The following NME7 variants were observed in gnomAD, a reference collection of about 807,000 sequenced individuals.
NME7 encodes the protein NME/NM23 family member 7.
NME7 carries 41 observed loss-of-function variants against 49.1 expected under a neutral mutation model. The observed-to-expected ratio is 0.83, with a 90% CI of 0.65 to 1.08. NME7 has a LOEUF of 1.08. NME7 is among the 50% of genes least tolerant of loss of function. NME7 has a pLI of 0.00. For synonymous variants in NME7, 139 were observed against 150.6 expected (o/e 0.92, Z 0.56); for missense variants, 423 against 463.4 (o/e 0.91, Z 0.80).
chr1:169,325,837 T>A (rs1423544402), intron 1 of NME7, among the ~76,000 whole-genome samples: 1 of 152,172 alleles, frequency 6.6e-6, no homozygotes, highest in Non-Finnish European at 1.5e-5. Context: ...ATTTAAACCA[T>A]GCTGATTACT....
At chr1:169,323,556 A>C (rs1015179877) in intron 2 of NME7, among the ~76,000 whole-genome samples, 1 of 152,220 alleles carries the variant, frequency 6.6e-6, no homozygotes, top group Non-Finnish European at 1.5e-5. Flanking sequence ...TCATTTCAGC[A>C]AAGTAGTCCT....
intron 10 of NME7, among the ~76,000 whole-genome samples, chr1:169,179,300 A>T (rs1659858128): frequency 6.6e-6 from 1 of 152,246 alleles, no homozygotes; most frequent in Admixed American, 6.5e-5. Flanking sequence ...TTAAAAAGTC[A>T]AAAAACAACA....
At chr1:169,350,860 A>G (rs1653147139) in intron 1 of NME7, among the ~76,000 whole-genome samples, 1 of 152,202 alleles carries the variant, frequency 6.6e-6, no homozygotes, top group African/African-American at 2.4e-5. Flanking sequence ...AAATGGGATC[A>G]TCACACTGAG....
chr1:169,185,336 G>A (rs3766063), intron 10 of NME7, among the ~76,000 whole-genome samples: 16,384 of 152,056 alleles, frequency 0.11, 2,085 homozygotes, highest in East Asian at 0.73. Flanking sequence ...AAAATATTTA[G>A]AAGTGAAAAA....
At chr1:169,141,478 T>C (rs757018645) in intron 11 of NME7, among the ~76,000 whole-genome samples, 1 of 152,158 alleles carries the variant, frequency 6.6e-6, no homozygotes, top group African/African-American at 2.4e-5. Flanking sequence ...GGGAAAAGGA[T>C]CTTGGAGTAT....
intron 11 of NME7, among the ~76,000 whole-genome samples, chr1:169,167,878 G>A (rs58347696): frequency 0.015 from 2,211 of 152,316 alleles, 48 homozygotes; most frequent in African/African-American, 0.048. Flanking sequence ...ATCACTTTGA[G>A]TGCTATTGTT....
At position 169,367,762 on chromosome 1, in the gene NME7, C is replaced by T. The variant is rs1201217346; in HGVS notation, c.-52G>A. 4 of 1,591,122 alleles carry T rather than the reference C, an allele frequency of 2.5e-6. No homozygotes were observed. The highest frequency in any genetic ancestry group is 3.4e-6 in the Non-Finnish European group (4 of 1,160,284). ...TAGGTATCGTTGAGACAGGAAGACACCACCACCACCACCATCATACGGTTA... is the reference window on the plus strand; with the variant it reads ...TAGGTATCGTTGAGACAGGAAGACATCACCACCACCACCATCATACGGTTA... On this transcript the variant is annotated 5_prime_UTR_variant, in exon 1 of 12. It adds an upstream start codon to the 5' untranslated region. Coordinates refer to ENST00000367811, the MANE Select transcript of NME7 (RefSeq NM_013330.5).
intron 11 of NME7, among the ~76,000 whole-genome samples, chr1:169,134,496 A>AAATT (rs1658362862): frequency 6.6e-6 from 1 of 152,184 alleles, no homozygotes; most frequent in Non-Finnish European, 1.5e-5. Flanking sequence ...ACTTGGAATG[A>AAATT]AAAGCATTTA....
Position 169,353,381 on chromosome 1 carries a change from C to T in NME7, c.3+14327G>A, listed in dbSNP as rs1653251649. Among the ~76,000 whole-genome samples, 3 of 151,956 alleles carry T rather than the reference C, an allele frequency of 2.0e-5. No homozygotes were observed. The South Asian group carries it at 6.2e-4, about 31-fold the overall frequency. On this transcript the variant is annotated intron_variant, in intron 1 of 11. Coordinates refer to ENST00000367811, the MANE Select transcript of NME7 (RefSeq NM_013330.5). The stretch of plus-strand genomic sequence containing the variant: ...CAAGACCCCTTTCTCTGGTCATATA[C>T]AAAAATAAAATCAAAATGGATTTGG...
intron 1 of NME7, among the ~76,000 whole-genome samples, chr1:169,354,602 C>A (rs1479806311): frequency 6.7e-6 from 1 of 149,910 alleles, no homozygotes; most frequent in East Asian, 1.9e-4. Context: ...GTTTATTATG[C>A]ATTGCATGCC....
At chr1:169,251,015 C>G (rs1180107462) in intron 7 of NME7, among the ~76,000 whole-genome samples, 1 of 151,646 alleles carries the variant, frequency 6.6e-6, no homozygotes, top group Non-Finnish European at 1.5e-5. Context: ...CACTTTAGGT[C>G]CATTATTTCT....
chr1:169,255,126 T>C (rs1345310946), intron 7 of NME7, among the ~76,000 whole-genome samples: 1 of 135,380 alleles, frequency 7.4e-6, no homozygotes, highest in Admixed American at 7.3e-5. Flanking sequence ...CCTTGTTGAC[T>C]TTCTGTCTCG....
At position 169,164,657 on chromosome 1, in the gene NME7, T is replaced by C. The variant is rs564722341; in HGVS notation, c.1098+4790A>G. Among the ~76,000 whole-genome samples the C allele has an allele frequency of 2.0e-5, 3 of 152,202 alleles. No individual in the cohort carries two copies. The East Asian group carries it at 5.8e-4, about 29-fold the overall frequency. On this transcript the variant is annotated intron_variant, in intron 11 of 11. Coordinates refer to ENST00000367811, the MANE Select transcript of NME7 (RefSeq NM_013330.5). The stretch of plus-strand genomic sequence containing the variant: ...TGCAGACTATGGGTGCCATGGAAGG[T>C]TTCTTAGAGGAGGTAAGGTGGGATG...
At chr1:169,253,509 CAG>C (rs1265319651) in intron 7 of NME7, among the ~76,000 whole-genome samples, 1 of 152,060 alleles carries the variant, frequency 6.6e-6, no homozygotes, top group African/African-American at 2.4e-5. Context: ...CGCCTGCAAA[CAG>C]GGACAATTTG....
intron 10 of NME7, among the ~76,000 whole-genome samples, chr1:169,217,670 G>A (rs1014097476): frequency 6.6e-6 from 1 of 151,984 alleles, no homozygotes; most frequent in Non-Finnish European, 1.5e-5. Context: ...CACAACAGTA[G>A]GATAAAAAGT....
chr1:169,237,075 T>C (rs1647885682), intron 8 of NME7, among the ~76,000 whole-genome samples: 1 of 152,030 alleles, frequency 6.6e-6, no homozygotes, highest in African/African-American at 2.4e-5. Context: ...TAGGAGTGTA[T>C]GAACAACGCA....
At chr1:169,313,066 C>T (rs1297777089) in intron 3 of NME7, among the ~76,000 whole-genome samples, 4 of 151,896 alleles carry the variant, frequency 2.6e-5, no homozygotes, top group Non-Finnish European at 5.9e-5. Context: ...ATTCAGTGAT[C>T]AAGACTTTTG....
chr1:169,155,762 GTTTT>G (rs34178237), intron 11 of NME7, among the ~76,000 whole-genome samples: 32 of 141,476 alleles, frequency 2.3e-4, no homozygotes, highest in Non-Finnish European at 4.0e-4. Context: ...TTACTGTTTA[GTTTT>G]TTTTTTTTTT....
chr1:169,149,751 A>G (rs886917372), intron 11 of NME7, among the ~76,000 whole-genome samples: 2 of 152,218 alleles, frequency 1.3e-5, no homozygotes, highest in African/African-American at 4.8e-5. Context: ...AGATTGCATC[A>G]TGCTACTCAG....
Sources: gnomAD v4.1 joint callset for allele counts (sites outside exome capture counted in the v4.1 genomes callset) on GRCh38, gnomAD v4.1.1 for gene constraint, MANE v1.5 for transcripts, NCBI Gene and HGNC (gene_info 2026-07-23, HGNC 2026-07-21) for gene names.